ABCF2: variants seen among roughly 807,000 people sequenced by gnomAD.
The protein encoded by ABCF2 is ATP binding cassette subfamily F member 2.
In ABCF2, 37 loss-of-function variants were observed where a neutral mutation model predicts 76.9. The observed-to-expected ratio is 0.48, with a 90% CI of 0.37 to 0.63. ABCF2 has a LOEUF of 0.63. Among genes scored for constraint, ABCF2 ranks in the 30% least tolerant of loss-of-function variants. The probability of loss-of-function intolerance (pLI) is 0.00; values close to 1 mark genes in which losing one functional copy is unlikely to be tolerated. For synonymous variants in ABCF2, 299 were observed against 283.7 expected (o/e 1.05, Z -0.54); for missense variants, 524 against 782.1 (o/e 0.67, Z 3.94).
chr7:151,214,309 C>T lies in ABCF2; in HGVS notation c.1735-118G>A. ...CCGCCCCCCAAACCCATATCCAACTCACTGTCTCACTACTTCTAAGTTATT... is the reference window on the plus strand; with the variant it reads ...CCGCCCCCCAAACCCATATCCAACTTACTGTCTCACTACTTCTAAGTTATT... On this transcript the variant is annotated intron_variant, in intron 14 of 14. Transcript: ENST00000287844. The surrounding 1 kb of genome is among the most constrained non-coding windows in gnomAD (Gnocchi z 4.9). The T allele has an allele frequency of 7.1e-7, 1 of 1,405,438 alleles. No individual in the cohort carries two copies. Among genetic ancestry groups the T allele is most frequent in the Non-Finnish European group, 9.9e-7 (1 of 1,010,848 alleles). The allele number at this position is 1,405,438 out of a possible 1,614,324, so 87.1% of individuals were successfully genotyped here.
At chr7:151,225,034 G>A (rs370499797) in intron 2 of ABCF2, 46 bp from the exon 3 acceptor site, 11 of 1,561,408 alleles carry the variant, frequency 7.0e-6, no homozygotes, top group Middle Eastern at 4.4e-4. Flanking sequence ...AGACAGACTC[G>A]GCTCTCCACA....
In ABCF2 at chr7:151,215,155, T is replaced by C; in HGVS notation, c.1531-73A>G. On this transcript the variant is annotated intron_variant, in intron 13 of 14. Transcript: ENST00000287844. The surrounding 1 kb of genome is among the most constrained non-coding windows in gnomAD (Gnocchi z 4.6). The stretch of plus-strand genomic sequence containing the variant: ...ACAGCACAGCTCATCTCTCCCTCAT[T>C]TCTCCCTGACTCCTCCATTAGCATC... 1 of 1,393,760 alleles carries C rather than the reference T, an allele frequency of 7.2e-7. No homozygotes were observed. The allele number at this position is 1,393,760 out of a possible 1,614,324, so 86.3% of individuals were successfully genotyped here.
In ABCF2 at chr7:151,215,828, T is replaced by C; in HGVS notation, c.1402-96A>G. ...TCCTATTTCTATCCCAGGCACCTGT[T>C]CTGGGTTCAAGAAGCAGGTAGGAGC... On this transcript the variant is annotated intron_variant, in intron 12 of 14. Coordinates refer to ENST00000287844, the MANE Select transcript of ABCF2 (RefSeq NM_007189.3). The surrounding 1 kb of genome is among the most constrained non-coding windows in gnomAD (Gnocchi z 4.6). 2 of 1,597,552 alleles carry C rather than the reference T, an allele frequency of 1.3e-6. No homozygotes were observed. Among genetic ancestry groups the C allele is most frequent in the Non-Finnish European group, 1.7e-6 (2 of 1,169,176 alleles).
At chr7:151,216,497 A>G (rs1802153521) in intron 11 of ABCF2, among the ~76,000 whole-genome samples, 1 of 152,248 alleles carries the variant, frequency 6.6e-6, no homozygotes, top group South Asian at 2.1e-4. Context: ...GGTCACAAAA[A>G]AAGATCACCA....
intron 10 of ABCF2, 70 bp from the exon 11 acceptor site, chr7:151,218,261 C>T: frequency 9.1e-7 from 1 of 1,103,086 alleles, no homozygotes; most frequent in Non-Finnish European, 1.4e-6. Context: ...GCAGACCAAG[C>T]CCGCTGAATT....
At position 151,212,268 on chromosome 7, in the gene ABCF2, T is replaced by C. The variant is rs1173108930; in HGVS notation, c.*1786A>G. 1 of 985,258 alleles carries C rather than the reference T, an allele frequency of 1.0e-6. No homozygotes were observed. The highest frequency in any genetic ancestry group is 6.1e-5 in the Admixed American group (1 of 16,266). 61.0% of individuals were successfully genotyped at this position (985,258 alleles called of 1,614,324 possible). ...CCAGGAAGGATGGCCACTGGTGAAA[T>C]GCTATTGAAGTTCAAAAGACCCAGA... On this transcript the variant is annotated 3_prime_UTR_variant, in exon 15 of 15. Transcript: ENST00000287844.
In ABCF2 at chr7:151,215,533, A is replaced by C; in HGVS notation, c.1530+71T>G. 2 of 1,587,158 alleles carry C rather than the reference A, an allele frequency of 1.3e-6. No individual in the cohort carries two copies. Among genetic ancestry groups the C allele is most frequent in the Non-Finnish European group, 1.7e-6 (2 of 1,164,546 alleles). ...GCTTCCAAACCCAGGCTGCCAGGAC[A>C]GTATCCCCTGACCCACCCAGCCACA... On this transcript the variant is annotated intron_variant, in intron 13 of 14. Coordinates refer to ENST00000287844, the MANE Select transcript of ABCF2 (RefSeq NM_007189.3). The surrounding 1 kb of genome is among the most constrained non-coding windows in gnomAD (Gnocchi z 4.6).
intron 8 of ABCF2, 59 bp from the exon 9 acceptor site, chr7:151,218,932 T>A (rs1450980343): frequency 1.2e-6 from 2 of 1,609,494 alleles, no homozygotes; most frequent in African/African-American, 2.7e-5. Context: ...TCATCTTCAA[T>A]CCAGGGTAAA....
chr7:151,221,994 T>A, intron 6 of ABCF2: 1 of 261,540 alleles, frequency 3.8e-6, no homozygotes, highest in Non-Finnish European at 7.3e-6. Flanking sequence ...CACGAATGTA[T>A]CCAAAACTGT....
intron 11 of ABCF2, among the ~76,000 whole-genome samples, chr7:151,216,505 C>A (rs562849155): frequency 6.6e-6 from 1 of 152,292 alleles, no homozygotes; most frequent in East Asian, 1.9e-4. Context: ...AAAAAGATCA[C>A]CAAACTTCTA....
At chr7:151,222,752 C>A in intron 5 of ABCF2, 136 bp from the exon 6 acceptor site, 1 of 607,902 alleles carries the variant, frequency 1.6e-6, no homozygotes, top group Non-Finnish European at 2.9e-6. Context: ...AGGCTCTATA[C>A]CTCAGAGGGA....
rs756440289 is a variant in ABCF2, at chr7:151,219,171, T to G, written c.922-12A>C. 6.2e-7 allele frequency: 1 copy of G among 1,612,458 alleles called. No homozygotes were observed. Among genetic ancestry groups the G allele is most frequent in the Admixed American group, 1.7e-5 (1 of 60,004 alleles). Reference sequence around the variant, plus strand: ...TGATCATAATTACCCTGCATGGAAATGTGCCAGGTAAGGCAGGCAGCTTTA... The same window carrying G: ...TGATCATAATTACCCTGCATGGAAAGGTGCCAGGTAAGGCAGGCAGCTTTA... On this transcript the variant is annotated splice_polypyrimidine_tract_variant and intron_variant, in intron 7 of 14. Transcript: ENST00000287844.
chr7:151,220,148 T>C (rs1353142706), intron 7 of ABCF2, among the ~76,000 whole-genome samples: 2 of 151,412 alleles, frequency 1.3e-5, no homozygotes, highest in Admixed American at 6.6e-5. Context: ...TCCCAGCACT[T>C]TGGGAGGCCG....
Position 151,214,974 on chromosome 7 carries a change from G to C in ABCF2, c.1639C>G (p.Leu547Val). The change falls in exon 14 of 15, where the codon CTG (leucine) becomes GTG (valine). Residue 547 changes from leucine (L) to valine (V), a missense_variant. By Grantham distance (32) the Leu-to-Val change is conservative. Around this residue, in one of 2 missense-constraint regions of ABCF2, gnomAD observed 194 missense variants for 348.6 expected, o/e 0.56. Coordinates refer to ENST00000287844, the MANE Select transcript of ABCF2 (RefSeq NM_007189.3). This position sits in a 1 kb window ranked among gnomAD's most constrained non-coding sequence, Gnocchi z 4.9. ...MLFLDEPTNH[L>V]DIETIDALAD... is the part of the protein sequence containing the mutation. ...AGGGCGTCGATGGTCTCGATATCCA[G>C]GTGATTGGTGGGTTCATCCAGGAAG... is the stretch of plus-strand genomic sequence containing the variant. 6.2e-7 allele frequency: 1 copy of C among 1,614,238 alleles called. No individual in the cohort carries two copies. Among genetic ancestry groups the C allele is most frequent in the Non-Finnish European group, 8.5e-7 (1 of 1,180,042 alleles).
Position 151,221,599 on chromosome 7 carries a change from G to C in ABCF2, c.900C>G (p.Asn300Lys). Residue 300 changes from asparagine (N) to lysine (K), a missense_variant, in exon 7 of 15, where the codon AAC (asparagine) becomes AAG (lysine). By Grantham distance (94) the Asn-to-Lys change is moderately conservative. Around this residue, in one of 2 missense-constraint regions of ABCF2, gnomAD observed 330 missense variants for 433.6 expected, o/e 0.76. Transcript: ENST00000287844. ...TCACCGTATAATACTTCAGTTTCTT[G>C]TTGTGCATGTGAATGATATTGGTAC... is the stretch of plus-strand genomic sequence containing the variant. ...GVCTNIIHMH[N>K]KKLKYYTGNY... is the part of the protein sequence containing the mutation. The C allele has an allele frequency of 6.2e-7, 1 of 1,601,136 alleles. No individual in the cohort carries two copies. The highest frequency in any genetic ancestry group is 8.6e-7 in the Non-Finnish European group (1 of 1,169,226).
At position 151,218,740 on chromosome 7, in the gene ABCF2, C is replaced by G; in HGVS notation, c.1137+14G>C. The stretch of plus-strand genomic sequence containing the variant: ...CAACCCCACCCAATCACACCCCACC[C>G]AATCACACCCCACCTTATCGCTCAC... On this transcript the variant is annotated intron_variant, in intron 9 of 14. Coordinates refer to ENST00000287844, the MANE Select transcript of ABCF2 (RefSeq NM_007189.3). 1 of 1,613,464 alleles carries G rather than the reference C, an allele frequency of 6.2e-7. No individual in the cohort carries two copies. Among genetic ancestry groups the G allele is most frequent in the East Asian group, 2.2e-5 (1 of 44,798 alleles).
rs1802133088 is a variant in ABCF2, at chr7:151,215,551, C to T, written c.1530+53G>A. The T allele has an allele frequency of 3.7e-6, 6 of 1,607,312 alleles. No homozygotes were observed. Among genetic ancestry groups the T allele is most frequent in the Non-Finnish European group, 4.2e-6 (5 of 1,176,926 alleles). On this transcript the variant is annotated intron_variant, in intron 13 of 14. Transcript: ENST00000287844. This position sits in a 1 kb window ranked among gnomAD's most constrained non-coding sequence, Gnocchi z 4.6. Reference sequence around the variant, plus strand: ...CCAGGACAGTATCCCCTGACCCACCCAGCCACAGTCTGCCAGCTATCTGGC... The same window carrying T: ...CCAGGACAGTATCCCCTGACCCACCTAGCCACAGTCTGCCAGCTATCTGGC...
chr7:151,213,875 C>T lies in ABCF2; in HGVS notation c.*179G>A. ...AAGGAGGACAGGAAACAGACAGGTACTGTCCAGCTGTAGGTAAGAGAGTGC... is the reference window on the plus strand; with the variant it reads ...AAGGAGGACAGGAAACAGACAGGTATTGTCCAGCTGTAGGTAAGAGAGTGC... On this transcript the variant is annotated 3_prime_UTR_variant, in exon 15 of 15. Coordinates refer to ENST00000287844, the MANE Select transcript of ABCF2 (RefSeq NM_007189.3). 7.0e-7 allele frequency: 1 copy of T among 1,429,772 alleles called. No homozygotes were observed. The highest frequency in any genetic ancestry group is 9.1e-7 in the Non-Finnish European group (1 of 1,098,714). 88.6% of individuals were successfully genotyped at this position (1,429,772 alleles called of 1,614,324 possible). A position where few individuals can be genotyped will look rare whatever the true frequency, so the allele number is the denominator to read the frequency against.
In ABCF2 at chr7:151,215,988, G is replaced by T. The variant is rs1802143211; in HGVS notation, c.1380C>A (p.Val460=). 11 of 1,614,140 alleles carry T rather than the reference G, an allele frequency of 6.8e-6. No individual in the cohort carries two copies. Among genetic ancestry groups the T allele is most frequent in the Non-Finnish European group, 8.5e-6 (10 of 1,180,010 alleles). ...GTACCTGATGGTAACGCCCTATCTTGACATGAGAGTGTTTTCGGATCATGC... is the reference window on the plus strand; with the variant it reads ...GTACCTGATGGTAACGCCCTATCTTTACATGAGAGTGTTTTCGGATCATGC... ...TDGMIRKHSH[V]KIGRYHQHLQ... Residue 460 remains valine, a synonymous_variant, in exon 12 of 15, where the codon GTC becomes GTA. Transcript: ENST00000287844. This position sits in a 1 kb window ranked among gnomAD's most constrained non-coding sequence, Gnocchi z 4.6.
Sources: allele counts gnomAD v4.1 joint callset (sites outside exome capture counted in the v4.1 genomes callset), GRCh38; gene constraint gnomAD v4.1.1; regional missense constraint gnomAD v4.1.1; non-coding constraint Gnocchi (gnomAD v3.1); transcripts MANE v1.5; gene names NCBI Gene and HGNC (gene_info 2026-07-23, HGNC 2026-07-21).